DCAF1: variants seen among roughly 807,000 people sequenced by gnomAD.
DCAF1 encodes the protein DDB1- and CUL4-associated factor 1.
DCAF1 carries 15 observed loss-of-function variants against 128.0 expected under a neutral mutation model. The ratio of observed to expected loss-of-function variants is 0.12; its 90% CI spans 0.08 to 0.18. DCAF1 has a LOEUF of 0.18. Ranked by LOEUF, DCAF1 falls within the 10% of genes least tolerant of loss-of-function variation. The probability of loss-of-function intolerance (pLI) is 1.00; values close to 1 mark genes in which losing one functional copy is unlikely to be tolerated. For missense variants in DCAF1, 988 were observed against 1,649.5 expected (o/e 0.60, Z 6.95); for synonymous variants, 610 against 603.0 (o/e 1.01, Z -0.17).
At chr3:51,479,652 C>T (rs1705916963) in intron 3 of DCAF1, among the ~76,000 whole-genome samples, 1 of 151,806 alleles carries the variant, frequency 6.6e-6, no homozygotes, top group Non-Finnish European at 1.5e-5. Flanking sequence ...AAAAATTAGC[C>T]CAGTGTGGTG....
chr3:51,446,963 A>AAAT (rs59908556), intron 6 of DCAF1, among the ~76,000 whole-genome samples: 16,634 of 136,868 alleles, frequency 0.12, 1,127 homozygotes, highest in Middle Eastern at 0.18. Context: ...TTTGTCTCAA[A>AAAT]AATAATAATA....
At chr3:51,441,341 C>A (rs1701338961) in intron 8 of DCAF1, 44 bp downstream of exon 8, 1 of 1,566,010 alleles carries the variant, frequency 6.4e-7, no homozygotes, top group Non-Finnish European at 8.7e-7. Flanking sequence ...GAAATGAACA[C>A]AATAATTCCT....
rs182381629 is a variant in DCAF1 at position 51,418,919 on chromosome 3, G to A, written c.3237-43C>T. ...AGAATCACAGGCAAAGAATGTGCAG[G>A]GACTCAGAAAAAGCAAACTGCTAGG... On this transcript the variant is annotated intron_variant, in intron 15 of 24. Coordinates refer to ENST00000684031, the MANE Select transcript of DCAF1 (RefSeq NM_001387579.1). 115 of 1,530,358 alleles carry A rather than the reference G, an allele frequency of 7.5e-5. 1 individual carries two copies. In the African/African-American group the frequency reaches 1.4e-3, roughly 19 times the overall value. The allele number at this position is 1,530,358 out of a possible 1,614,324, so 94.8% of individuals were successfully genotyped here. A position where few individuals can be genotyped will look rare whatever the true frequency, so the allele number is the denominator to read the frequency against.
intron 13 of DCAF1, among the ~76,000 whole-genome samples, chr3:51,425,701 T>C (rs557428498): frequency 3.3e-5 from 5 of 151,004 alleles, no homozygotes; most frequent in Non-Finnish European, 7.4e-5. Flanking sequence ...TAGCTGGGAC[T>C]ACAGACATGC....
At chr3:51,489,410 G>A (rs1707356528) in intron 2 of DCAF1, among the ~76,000 whole-genome samples, 1 of 152,106 alleles carries the variant, frequency 6.6e-6, no homozygotes, top group African/African-American at 2.4e-5. Flanking sequence ...AGTCCAGCCT[G>A]GGCAACAGAG....
At chr3:51,396,173 G>GAATC, downstream of DCAF1, 1 of 381,512 alleles carries the variant, frequency 2.6e-6, no homozygotes. Context: ...GGACCCGGAA[G>GAATC]AATCATCTAC....
chr3:51,418,276 A>C, intron 16 of DCAF1, 78 bp from the exon 17 acceptor site: 1 of 1,517,040 alleles, frequency 6.6e-7, no homozygotes, highest in Non-Finnish European at 8.8e-7. Flanking sequence ...TAGCATTTTT[A>C]AAGATTTGCA....
chr3:51,477,904 T>TTA (rs150883808), intron 3 of DCAF1, among the ~76,000 whole-genome samples: 50 of 151,398 alleles, frequency 3.3e-4, no homozygotes, highest in East Asian at 1.2e-3. Flanking sequence ...CCAGTAGCTT[T>TTA]TATATATATA....
Position 51,443,151 on chromosome 3 carries a change from T to C in DCAF1, c.513+615A>G, listed in dbSNP as rs1701525313. The stretch of plus-strand genomic sequence containing the variant: ...AAGTGTTCACAATCAATTTAGGTGA[T>C]GTATATATGTAGTTGTTCACTGTAA... On this transcript the variant is annotated intron_variant, in intron 7 of 24. Transcript: ENST00000684031. Among the ~76,000 whole-genome samples the C allele has an allele frequency of 1.3e-5, 2 of 152,142 alleles. 1 individual carries two copies. Among genetic ancestry groups the C allele is most frequent in the South Asian group, 4.1e-4 (2 of 4,834 alleles).
At chr3:51,473,088 C>G (rs1441225160) in intron 3 of DCAF1, among the ~76,000 whole-genome samples, 1 of 150,672 alleles carries the variant, frequency 6.6e-6, no homozygotes, top group Non-Finnish European at 1.5e-5. Flanking sequence ...ACCAGCCTGA[C>G]CAACATGGAG....
chr3:51,454,855 A>G (rs1702729926), intron 6 of DCAF1, among the ~76,000 whole-genome samples: 1 of 150,982 alleles, frequency 6.6e-6, no homozygotes, highest in Non-Finnish European at 1.5e-5. Context: ...TTGTATTTTT[A>G]GTAGAGACGG....
intron 3 of DCAF1, among the ~76,000 whole-genome samples, chr3:51,474,884 A>G (rs1344101009): frequency 6.7e-6 from 1 of 149,718 alleles, no homozygotes. Context: ...TCCCAGGTTC[A>G]AGCAGTTCTC....
At chr3:51,418,555 T>A (rs373760531) in intron 16 of DCAF1, 123 bp downstream of exon 16, 1 of 1,462,046 alleles carries the variant, frequency 6.8e-7, no homozygotes, top group Middle Eastern at 2.6e-4. Context: ...TAACCTCAAC[T>A]AGACTTTCCA....
chr3:51,442,616 T>C (rs1320746511), intron 7 of DCAF1, among the ~76,000 whole-genome samples: 2 of 152,026 alleles, frequency 1.3e-5, no homozygotes, highest in Non-Finnish European at 2.9e-5. Context: ...GGAGAATCAC[T>C]TGAACCCGGA....
chr3:51,492,542 G>A (rs113200337), intron 2 of DCAF1, among the ~76,000 whole-genome samples: 5 of 151,776 alleles, frequency 3.3e-5, no homozygotes, highest in African/African-American at 4.8e-5. Context: ...GCCAAGAAAC[G>A]CATGAAAGAT....
At chr3:51,488,449 G>A (rs913885507) in intron 2 of DCAF1, among the ~76,000 whole-genome samples, 1 of 151,740 alleles carries the variant, frequency 6.6e-6, no homozygotes, top group Non-Finnish European at 1.5e-5. Flanking sequence ...AGGCCAAGGC[G>A]GGTGGATCAT....
At chr3:51,486,255 C>T (rs965029735) in intron 2 of DCAF1, among the ~76,000 whole-genome samples, 1 of 149,312 alleles carries the variant, frequency 6.7e-6, no homozygotes, top group Non-Finnish European at 1.5e-5. Context: ...TGCAGTAGCG[C>T]GGTCCCAGCT....
Position 51,418,949 on chromosome 3 carries a change from A to C in DCAF1, c.3237-73T>G, listed in dbSNP as rs1699145542. The C allele has an allele frequency of 1.3e-5, 19 of 1,470,780 alleles. No homozygotes were observed. The South Asian group carries it at 2.5e-4, about 20-fold the overall frequency. 91.1% of individuals were successfully genotyped at this position (1,470,780 alleles called of 1,614,324 possible). On this transcript the variant is annotated intron_variant, in intron 15 of 24. Coordinates refer to ENST00000684031, the MANE Select transcript of DCAF1 (RefSeq NM_001387579.1). ...CAGAAAAAGCAAACTGCTAGGATAG[A>C]AGAAAAAGCACAGAACATTAATGTT...
chr3:51,463,722 G>A (rs1361941083), intron 5 of DCAF1, among the ~76,000 whole-genome samples: 8 of 151,966 alleles, frequency 5.3e-5, no homozygotes, highest in African/African-American at 1.9e-4. Context: ...TGTCAAGGGT[G>A]AAGTGAGCCC....
Sources: allele counts gnomAD v4.1 joint callset (sites outside exome capture counted in the v4.1 genomes callset), GRCh38; gene constraint gnomAD v4.1.1; transcripts MANE v1.5; gene names NCBI Gene and HGNC (gene_info 2026-07-23, HGNC 2026-07-21).